The following DCTN1 variants were observed in gnomAD, a reference collection of about 807,000 sequenced individuals.
The protein encoded by DCTN1 is 150 kDa dynein-associated polypeptide.
In DCTN1, 61 loss-of-function variants were observed where a neutral mutation model predicts 161.2. The observed-to-expected ratio is 0.38, with a 90% CI of 0.31 to 0.47. The LOEUF (loss-of-function observed/expected upper bound fraction) is 0.47. Among genes scored for constraint, DCTN1 ranks in the 20% least tolerant of loss-of-function variants. The probability of loss-of-function intolerance (pLI) is 0.99; values close to 1 mark genes in which losing one functional copy is unlikely to be tolerated. For synonymous variants in DCTN1, 653 were observed against 632.4 expected (o/e 1.03, Z -0.49); for missense variants, 1,404 against 1,623.7 (o/e 0.86, Z 2.33).
In DCTN1 at chr2:74,379,989, G is replaced by C. The variant is rs771000247; in HGVS notation, c.33+16C>G. 1.2e-5 allele frequency: 19 copies of C among 1,613,866 alleles called. No individual in the cohort carries two copies. The highest frequency in any genetic ancestry group is 1.6e-5 in the Non-Finnish European group (19 of 1,179,864). Reference sequence around the variant, plus strand: ...CCAGCAGCCCTCCAGGGCCATCCCAGATTAGGGCCACTTACCCGGCTGTAC... The same window carrying C: ...CCAGCAGCCCTCCAGGGCCATCCCACATTAGGGCCACTTACCCGGCTGTAC... On this transcript the variant is annotated intron_variant, in intron 1 of 31. Coordinates refer to ENST00000628224, the MANE Select transcript of DCTN1 (RefSeq NM_004082.5).
Position 74,371,624 on chromosome 2 carries a change from CG to C in DCTN1, c.557del (p.Pro186ArgfsTer35). ...GELSSSEPST[P>X]AQTPLAAPII... ...TGGGTGCTGCCAGCGGAGTCTGAGC[CG>C]GGGTGCTGGGCTCACTGCTGCTCAG... On this transcript the variant is annotated frameshift_variant, in exon 8 of 32. Coordinates refer to ENST00000628224, the MANE Select transcript of DCTN1 (RefSeq NM_004082.5). LOFTEE classifies it high-confidence loss of function. 1.9e-6 allele frequency: 3 copies of C among 1,590,866 alleles called. No individual in the cohort carries two copies. Among genetic ancestry groups the C allele is most frequent in the Non-Finnish European group, 2.6e-6 (3 of 1,169,546 alleles).
rs1316995767 is a variant in DCTN1, at chr2:74,370,761, G to C, written c.908C>G (p.Ala303Gly). ...CTTGTCCAAAGTGGCCATCTCAATG[G>C]CATCAGCAGTATCAGCCATCTCCTC... Reference protein sequence around the residue: ...YMEEMADTADAIEMATLDKEM... With the variant: ...YMEEMADTADGIEMATLDKEM... The change falls in exon 10 of 32, where the codon GCC (alanine) becomes GGC (glycine). Residue 303 changes from alanine to glycine, a missense_variant. Around this residue, in one of 9 missense-constraint regions of DCTN1, gnomAD observed 67 missense variants for 116.3 expected, o/e 0.58. Coordinates refer to ENST00000628224, the MANE Select transcript of DCTN1 (RefSeq NM_004082.5). This position sits in a 1 kb window ranked among gnomAD's most constrained non-coding sequence, Gnocchi z 4.4. 6.2e-7 allele frequency: 1 copy of C among 1,614,176 alleles called. No homozygotes were observed.
intron 15 of DCTN1, 42 bp from the exon 16 acceptor site, chr2:74,368,922 A>G: frequency 1.2e-6 from 2 of 1,612,360 alleles, no homozygotes; most frequent in Non-Finnish European, 1.7e-6. Flanking sequence ...CCAGAGCTGA[A>G]AGAGCCCCAA....
Position 74,365,669 on chromosome 2 carries a change from C to G in DCTN1, c.2887-12G>C. 6.2e-7 allele frequency: 1 copy of G among 1,614,146 alleles called. No individual in the cohort carries two copies. The highest frequency in any genetic ancestry group is 2.2e-5 in the East Asian group (1 of 44,886). ...CTTAGCTCCTCTCCCTGGACAAGGA[C>G]AGAACTTCTAGATCCCTGACATCCT... On this transcript the variant is annotated splice_polypyrimidine_tract_variant and intron_variant, in intron 24 of 31. Transcript: ENST00000628224.
At position 74,369,840 on chromosome 2, in the gene DCTN1, A is replaced by C; in HGVS notation, c.1392+125T>G. 1.5e-5 allele frequency: 12 copies of C among 798,342 alleles called. No homozygotes were observed. The highest frequency in any genetic ancestry group is 3.1e-5 in the South Asian group (2 of 65,356). The allele number at this position is 798,342 out of a possible 1,614,324, so 49.5% of individuals were successfully genotyped here. On this transcript the variant is annotated intron_variant, in intron 13 of 31. Coordinates refer to ENST00000628224, the MANE Select transcript of DCTN1 (RefSeq NM_004082.5). This position sits in a 1 kb window ranked among gnomAD's most constrained non-coding sequence, Gnocchi z 4.9. ...AGAAAAAAAAAAAAAAAAAAAAGGC[A>C]GGGTCAGGGTAGCAAGCCCAGGCTG...
upstream of DCTN1, chr2:74,384,945 G>C (rs1246866538): frequency 6.6e-6 from 1 of 152,192 alleles, no homozygotes; most frequent in African/African-American, 2.4e-5. Context: ...CTTACTGAGT[G>C]GTAAATGGAG....
At chr2:74,363,784 C>T in intron 26 of DCTN1, 156 bp from the exon 27 acceptor site, 2 of 1,009,036 alleles carry the variant, frequency 2.0e-6, no homozygotes, top group South Asian at 2.8e-5. Context: ...CTCTCTGCCA[C>T]CTATCTTTGG....
At chr2:74,367,230 G>T in intron 19 of DCTN1, 122 bp downstream of exon 19, 2 of 1,527,806 alleles carry the variant, frequency 1.3e-6, no homozygotes, top group South Asian at 1.1e-5. Context: ...TAGTTTCCCT[G>T]ATATGGCTTT....
intron 3 of DCTN1, 47 bp downstream of exon 3, chr2:74,377,601 G>A (rs373603537): frequency 1.2e-5 from 18 of 1,559,304 alleles, no homozygotes; most frequent in African/African-American, 8.1e-5. Context: ...AAGTCCTGGG[G>A]ACTCCTCCTG....
Position 74,366,342 on chromosome 2 carries a change from A to G in DCTN1, c.2662T>C (p.Cys888Arg), listed in dbSNP as rs760390624. The G allele has an allele frequency of 1.9e-6, 3 of 1,614,000 alleles. No individual in the cohort carries two copies. Among genetic ancestry groups the G allele is most frequent in the East Asian group, 4.5e-5 (2 of 44,890 alleles). Residue 888 changes from cysteine to arginine, a missense_variant, in exon 23 of 32, where the codon TGT becomes CGT. By Grantham distance (180) the Cys-to-Arg change is radical. Coordinates refer to ENST00000628224, the MANE Select transcript of DCTN1 (RefSeq NM_004082.5). ...AGGATGTTGCATGACTGGCGCAGAC[A>G]CTCATAGGGGCTGCTGGAGGGGGTC... ...YGTPSSSPYE[C>R]LRQSCNILIS...
rs990070335 is a variant in DCTN1, at chr2:74,374,823, T to C, written c.415-483A>G. ...GCGCAGAGCTTGTCCTGCTTCTTTC[T>C]CCAAAGAACAGGTTTTGGCTCCTCT... On this transcript the variant is annotated intron_variant, in intron 5 of 31. Transcript: ENST00000628224. 2.8e-5 allele frequency: 26 copies of C among 919,880 alleles called. 1 individual carries two copies. Among genetic ancestry groups the C allele is most frequent in the Non-Finnish European group, 1.1e-5 (8 of 757,872 alleles). The allele number at this position is 919,880 out of a possible 1,614,324, so 57.0% of individuals were successfully genotyped here.
At chr2:74,379,070 C>T (rs544738994) in intron 1 of DCTN1, 19 of 152,726 alleles carry the variant, frequency 1.2e-4, no homozygotes, top group African/African-American at 4.3e-4. Flanking sequence ...TGGTTTATCA[C>T]TCCACAGATG....
intron 21 of DCTN1, 38 bp downstream of exon 21, chr2:74,366,745 A>G (rs748874904): frequency 1.2e-6 from 2 of 1,614,054 alleles, no homozygotes; most frequent in Non-Finnish European, 1.7e-6. Flanking sequence ...TCATGTTTCT[A>G]CTCAGTTTCC....
Position 74,369,817 on chromosome 2 carries a change from A to G in DCTN1, c.1392+148T>C, listed in dbSNP as rs919854726. 25 of 255,058 alleles carry G rather than the reference A, an allele frequency of 9.8e-5. No homozygotes were observed. Among genetic ancestry groups the G allele is most frequent in the African/African-American group, 3.7e-4 (11 of 29,906 alleles). The allele number at this position is 255,058 out of a possible 1,614,324, so 15.8% of individuals were successfully genotyped here. A position where few individuals can be genotyped will look rare whatever the true frequency, so the allele number is the denominator to read the frequency against. ...GCAACAGAGCGAGATTCCATCTCAG[A>G]AAAAAAAAAAAAAAAAAAAGGCAGG... On this transcript the variant is annotated intron_variant, in intron 13 of 31. Coordinates refer to ENST00000628224, the MANE Select transcript of DCTN1 (RefSeq NM_004082.5). This position sits in a 1 kb window ranked among gnomAD's most constrained non-coding sequence, Gnocchi z 4.9.
chr2:74,382,189 C>T (rs1675539281), upstream of DCTN1, among the ~76,000 whole-genome samples: 1 of 152,250 alleles, frequency 6.6e-6, no homozygotes, highest in African/African-American at 2.4e-5. Context: ...TCACTAACCA[C>T]ATAGGTATCA....
rs776241706 is a variant in DCTN1, at chr2:74,365,077, C to G, written c.3194G>C (p.Gly1065Ala). The G allele has an allele frequency of 6.2e-7, 1 of 1,613,970 alleles. No homozygotes were observed. Among genetic ancestry groups the G allele is most frequent in the South Asian group, 1.1e-5 (1 of 91,080 alleles). ...GIATLVSGIA[G>A]EEQQRGAIPG... ...GCTGCCTATTCCACAGTACTCACCA[C>G]CAGCAATGCCAGAGACCAGAGTAGC... is the stretch of plus-strand genomic sequence containing the variant. The change falls in exon 26 of 32, where the codon GGT becomes GCT. Residue 1065 changes from glycine to alanine, a missense_variant and splice_region_variant. This residue lies in a region of DCTN1 where 311 missense variants were observed against 298.9 expected (regional missense o/e 1.04). Transcript: ENST00000628224.
chr2:74,374,590 G>C (rs1675110541), intron 5 of DCTN1: 1 of 1,290,028 alleles, frequency 7.8e-7, no homozygotes, highest in Admixed American at 3.0e-5. Context: ...CAGACGTGCA[G>C]CTGGATCGCC....
chr2:74,366,386 C>T lies in DCTN1; in HGVS notation c.2629-11G>A. On this transcript the variant is annotated splice_polypyrimidine_tract_variant and intron_variant, in intron 22 of 31. Transcript: ENST00000628224. ...GGGGGTCCCATAGATCTGCAGGAGCCAAGGGCAGAAGTAAAAGCCCCACAC... is the reference window on the plus strand; with the variant it reads ...GGGGGTCCCATAGATCTGCAGGAGCTAAGGGCAGAAGTAAAAGCCCCACAC... The T allele has an allele frequency of 6.2e-7, 1 of 1,614,166 alleles. No individual in the cohort carries two copies. Among genetic ancestry groups the T allele is most frequent in the East Asian group, 2.2e-5 (1 of 44,878 alleles).
At chr2:74,365,460 G>A in intron 25 of DCTN1, 55 bp downstream of exon 25, 1 of 1,613,494 alleles carries the variant, frequency 6.2e-7, no homozygotes, top group Non-Finnish European at 8.5e-7. Context: ...AGGAGGCAGA[G>A]AGCTCCAGCA....
Sources: gnomAD v4.1 joint callset for allele counts (sites outside exome capture counted in the v4.1 genomes callset) on GRCh38, gnomAD v4.1.1 for gene constraint, gnomAD v4.1.1 regional missense constraint, Gnocchi (gnomAD v3.1) non-coding constraint, MANE v1.5 for transcripts, NCBI Gene and HGNC (gene_info 2026-07-23, HGNC 2026-07-21) for gene names.